The following MLLT10 variants were observed in gnomAD, a reference collection of about 807,000 sequenced individuals.
The protein encoded by MLLT10 is protein AF-10.
A neutral mutation model predicts 129.1 loss-of-function variants in MLLT10; 30 were observed. The ratio of observed to expected loss-of-function variants is 0.23; its 90% CI spans 0.17 to 0.32. The LOEUF (loss-of-function observed/expected upper bound fraction) is 0.32. Among genes scored for constraint, MLLT10 ranks in the 10% least tolerant of loss-of-function variants. The pLI, the probability that MLLT10 is intolerant of heterozygous loss-of-function variation, is 1.00. For synonymous variants in MLLT10, 490 were observed against 446.4 expected (o/e 1.10, Z -1.23); for missense variants, 1,119 against 1,268.3 (o/e 0.88, Z 1.79).
intron 9 of MLLT10, among the ~76,000 whole-genome samples, chr10:21,666,393 G>T (rs1229004793): frequency 6.6e-6 from 1 of 151,712 alleles, no homozygotes; most frequent in Admixed American, 6.6e-5. Context: ...GGCCAGGCGC[G>T]GTGGCTCATG....
At chr10:21,625,035 G>A (rs539386299) in intron 8 of MLLT10, 6 of 915,810 alleles carry the variant, frequency 6.6e-6, no homozygotes, top group South Asian at 3.1e-5. Flanking sequence ...GGGAATCTTC[G>A]TAACCTCCTT....
chr10:21,723,713 A>G (rs1376652837), intron 14 of MLLT10, among the ~76,000 whole-genome samples: 1 of 152,208 alleles, frequency 6.6e-6, no homozygotes, highest in East Asian at 1.9e-4. Context: ...TCTTGGTGTC[A>G]ACAGACTGTC....
At chr10:21,671,009 CT>C (rs1302032296) in intron 10 of MLLT10, 2 of 250,852 alleles carry the variant, frequency 8.0e-6, no homozygotes, top group Non-Finnish European at 1.5e-5. Flanking sequence ...TGGAGCTTTG[CT>C]TTGAGTTCTG....
At chr10:21,586,490 A>G in intron 4 of MLLT10, 142 bp downstream of exon 4, 1 of 751,832 alleles carries the variant, frequency 1.3e-6, no homozygotes, top group Non-Finnish European at 2.2e-6. Context: ...ATAATTTATA[A>G]ATCCTTATTG....
chr10:21,638,745 G>A lies in MLLT10; in HGVS notation c.700-12928G>A, dbSNP rs542159833. ...TGGCCATTGAGGCCTCTTGGGGATA[G>A]GGAGTGCACATCCCCATCTCTAATT... On this transcript the variant is annotated intron_variant, in intron 8 of 22. Coordinates refer to ENST00000307729, the MANE Select transcript of MLLT10 (RefSeq NM_001195626.3). Among the ~76,000 whole-genome samples, 3 of 152,212 alleles carry A rather than the reference G, an allele frequency of 2.0e-5. No homozygotes were observed. The East Asian group carries it at 5.8e-4, about 29-fold the overall frequency.
At chr10:21,541,960 T>C (rs1330905735) in intron 3 of MLLT10, among the ~76,000 whole-genome samples, 1 of 152,218 alleles carries the variant, frequency 6.6e-6, no homozygotes, top group African/African-American at 2.4e-5. Context: ...GAAATCTTTA[T>C]AGCGTTACTC....
chr10:21,617,224 T>C lies in MLLT10; in HGVS notation c.699+17T>C. On this transcript the variant is annotated intron_variant, in intron 8 of 22. Coordinates refer to ENST00000307729, the MANE Select transcript of MLLT10 (RefSeq NM_001195626.3). ...GAGAAAAAAGTAAGTGGATTTGTTG[T>C]TGCTAAATTTGTAGCACATCTACTT... 1 of 1,413,756 alleles carries C rather than the reference T, an allele frequency of 7.1e-7. No individual in the cohort carries two copies. The allele number at this position is 1,413,756 out of a possible 1,614,324, so 87.6% of individuals were successfully genotyped here.
chr10:21,635,340 C>T (rs2047357696), intron 8 of MLLT10, among the ~76,000 whole-genome samples: 1 of 152,018 alleles, frequency 6.6e-6, no homozygotes, highest in Non-Finnish European at 1.5e-5. Context: ...TGTGTTATTC[C>T]ATGAGTTTTT....
At chr10:21,651,165 G>A (rs984343690) in intron 8 of MLLT10, among the ~76,000 whole-genome samples, 7 of 152,082 alleles carry the variant, frequency 4.6e-5, no homozygotes, top group African/African-American at 1.2e-4. Flanking sequence ...TCCGCCTCCT[G>A]GGTTCAAGCG....
rs528897540 is a variant in MLLT10, at chr10:21,597,993, G to A, written c.405+2553G>A. On this transcript the variant is annotated intron_variant, in intron 5 of 22. Transcript: ENST00000307729. ...TATAGTCAGTATGGATTTTGTGGGG[G>A]AAGTACTTCATATATAAACATCTTG... Among the ~76,000 whole-genome samples, 9 of 152,248 alleles carry A rather than the reference G, an allele frequency of 5.9e-5. No homozygotes were observed. The Middle Eastern group carries it at 0.014, about 230-fold the overall frequency.
At chr10:21,614,563 A>G (rs1197527883) in intron 6 of MLLT10, among the ~76,000 whole-genome samples, 1 of 152,006 alleles carries the variant, frequency 6.6e-6, no homozygotes, top group Non-Finnish European at 1.5e-5. Flanking sequence ...ATTTGGAGAC[A>G]TAAAACATGT....
chr10:21,718,698 G>C (rs1361398209), intron 14 of MLLT10, among the ~76,000 whole-genome samples: 3 of 152,174 alleles, frequency 2.0e-5, no homozygotes. Flanking sequence ...AGGAAATGCA[G>C]ATATTTCGTG....
chr10:21,565,772 A>AT (rs377596585), intron 3 of MLLT10, among the ~76,000 whole-genome samples: 21 of 151,266 alleles, frequency 1.4e-4, no homozygotes, highest in South Asian at 1.0e-3. Flanking sequence ...CACCTGGCTG[A>AT]TTTTTTTATT....
At chr10:21,542,263 T>C (rs182811606) in intron 3 of MLLT10, among the ~76,000 whole-genome samples, 1 of 152,212 alleles carries the variant, frequency 6.6e-6, no homozygotes, top group East Asian at 1.9e-4. Flanking sequence ...GTGAATAAGG[T>C]AGTTAACTTA....
At chr10:21,564,525 T>C (rs575866201) in intron 3 of MLLT10, 1 of 152,276 alleles carries the variant, frequency 6.6e-6, no homozygotes, top group East Asian at 1.9e-4. Context: ...GGGAGCATGC[T>C]AATCTTCTCT....
At chr10:21,682,381 A>G (rs538429936) in intron 13 of MLLT10, 124 bp downstream of exon 13, 14 of 843,206 alleles carry the variant, frequency 1.7e-5, no homozygotes, top group African/African-American at 8.7e-5. Context: ...CAGTGAGTCA[A>G]TTGTTCAGCA....
At chr10:21,680,854 C>A (rs536221094) in intron 11 of MLLT10, among the ~76,000 whole-genome samples, 1 of 151,976 alleles carries the variant, frequency 6.6e-6, no homozygotes, top group Non-Finnish European at 1.5e-5. Context: ...CACCTGTAGT[C>A]CCAGCTATTT....
At chr10:21,717,146 G>A (rs1260070603) in intron 14 of MLLT10, among the ~76,000 whole-genome samples, 2 of 150,346 alleles carry the variant, frequency 1.3e-5, no homozygotes, top group Admixed American at 6.7e-5. Flanking sequence ...CCAGCTACTC[G>A]GGAGGCTGAG....
chr10:21,610,527 C>T (rs1015288687), intron 5 of MLLT10, among the ~76,000 whole-genome samples: 14 of 151,776 alleles, frequency 9.2e-5, no homozygotes, highest in African/African-American at 3.4e-4. Flanking sequence ...GTCGGTAGGA[C>T]AATTCCAGAG....
Sources: gnomAD v4.1 joint callset for allele counts (sites outside exome capture counted in the v4.1 genomes callset) on GRCh38, gnomAD v4.1.1 for gene constraint, MANE v1.5 for transcripts, NCBI Gene and HGNC (gene_info 2026-07-23, HGNC 2026-07-21) for gene names.